RUNDC3B: variants seen among roughly 807,000 people sequenced by gnomAD.
RUNDC3B encodes the protein RUN domain-containing protein 3B.
A neutral mutation model predicts 58.4 loss-of-function variants in RUNDC3B; 33 were observed. The ratio of observed to expected loss-of-function variants is 0.56; its 90% CI spans 0.43 to 0.75. RUNDC3B has a LOEUF of 0.75. RUNDC3B is among the 30% of genes least tolerant of loss of function. The pLI, the probability that RUNDC3B is intolerant of heterozygous loss-of-function variation, is 0.00. For synonymous variants in RUNDC3B, 193 were observed against 195.2 expected (o/e 0.99, Z 0.10); for missense variants, 501 against 535.7 (o/e 0.94, Z 0.64).
At chr7:87,720,909 AT>A (rs373266248) in intron 4 of RUNDC3B, among the ~76,000 whole-genome samples, 2 of 151,762 alleles carry the variant, frequency 1.3e-5, no homozygotes, top group Non-Finnish European at 2.9e-5. Flanking sequence ...CATTTAGCTA[AT>A]TTTTAACTAT....
At chr7:87,673,327 C>G (rs890198889) in intron 2 of RUNDC3B, among the ~76,000 whole-genome samples, 4 of 152,180 alleles carry the variant, frequency 2.6e-5, no homozygotes, top group African/African-American at 7.2e-5. Context: ...AATTTCCTTG[C>G]TTTGTCTCCC....
chr7:87,733,890 G>A (rs1237187930), intron 4 of RUNDC3B, among the ~76,000 whole-genome samples: 1 of 152,132 alleles, frequency 6.6e-6, no homozygotes, highest in Non-Finnish European at 1.5e-5. Context: ...CCCAGGGGGT[G>A]GGGACCCCTG....
chr7:87,742,393 A>G (rs1242874851), intron 6 of RUNDC3B, among the ~76,000 whole-genome samples: 1 of 152,124 alleles, frequency 6.6e-6, no homozygotes, highest in African/African-American at 2.4e-5. Flanking sequence ...AGTCCACAAT[A>G]TCATTCTTAT....
intron 1 of RUNDC3B, among the ~76,000 whole-genome samples, chr7:87,631,467 T>C (rs951738377): frequency 6.6e-6 from 1 of 152,216 alleles, no homozygotes; most frequent in African/African-American, 2.4e-5. Flanking sequence ...CTCGGCTCAC[T>C]GCAAGCTCCG....
chr7:87,824,666 T>G (rs1019425134), intron 10 of RUNDC3B, among the ~76,000 whole-genome samples: 1 of 152,064 alleles, frequency 6.6e-6, no homozygotes. Flanking sequence ...TGTGGGAAAG[T>G]TTGGAACTTC....
intron 6 of RUNDC3B, among the ~76,000 whole-genome samples, chr7:87,748,078 T>G (rs1832750698): frequency 6.6e-6 from 1 of 152,208 alleles, no homozygotes; most frequent in Admixed American, 6.5e-5. Context: ...CCTGCTCCTC[T>G]GGCTGCCCTC....
chr7:87,741,457 T>G (rs1386148902), intron 5 of RUNDC3B, 42 bp from the exon 6 acceptor site: 10 of 1,084,068 alleles, frequency 9.2e-6, no homozygotes, highest in Non-Finnish European at 1.3e-5. Context: ...TGATTTAAAA[T>G]TTTATATATT....
intron 2 of RUNDC3B, among the ~76,000 whole-genome samples, chr7:87,671,908 A>G (rs1825857848): frequency 1.3e-5 from 2 of 152,140 alleles, no homozygotes; most frequent in South Asian, 4.1e-4. Context: ...GTTGGCTGGA[A>G]AACACAGGCA....
intron 4 of RUNDC3B, chr7:87,713,029 T>G (rs368206190): frequency 5.3e-5 from 8 of 152,276 alleles, no homozygotes; most frequent in East Asian, 3.9e-4. Flanking sequence ...CACTAATTTT[T>G]TTTACTGAGA....
Position 87,829,919 on chromosome 7 carries a change from T to C in RUNDC3B, c.1260T>C (p.Cys420=), listed in dbSNP as rs1374886306. 18 of 1,607,914 alleles carry C rather than the reference T, an allele frequency of 1.1e-5. No individual in the cohort carries two copies. Among genetic ancestry groups the C allele is most frequent in the Non-Finnish European group, 1.5e-5 (18 of 1,176,292 alleles). Residue 420 remains cysteine, a synonymous_variant, in exon 11 of 11, where the codon TGT becomes TGC. Transcript: ENST00000394654. ...ATACTCCCTCATTACTTGGCCTCTG[T>C]GGATCTCTAACGTCAGTGGCAAGTT... The part of the protein sequence containing the change: ...KEDTPSLLGL[C]GSLTSVASYK...
intron 2 of RUNDC3B, among the ~76,000 whole-genome samples, chr7:87,698,603 T>C (rs1349600001): frequency 1.3e-5 from 2 of 152,248 alleles, no homozygotes; most frequent in Admixed American, 6.5e-5. Flanking sequence ...TTTGTGTTCA[T>C]TGCATTTAAG....
At position 87,778,014 on chromosome 7, in the gene RUNDC3B, G is replaced by A. The variant is rs192070037; in HGVS notation, c.956+59G>A. ...CATGTAAACATTAAGACAAAATGTC[G>A]TGTTTTGATACAGGAGGCAAATTCC... On this transcript the variant is annotated intron_variant, in intron 8 of 10. Transcript: ENST00000394654. 271 of 1,444,296 alleles carry A rather than the reference G, an allele frequency of 1.9e-4. No homozygotes were observed. The African/African-American group carries it at 2.9e-3, about 15-fold the overall frequency. 89.5% of individuals were successfully genotyped at this position (1,444,296 alleles called of 1,614,324 possible). A position where few individuals can be genotyped will look rare whatever the true frequency, so the allele number is the denominator to read the frequency against.
intron 3 of RUNDC3B, among the ~76,000 whole-genome samples, chr7:87,701,184 T>A: frequency 6.6e-6 from 1 of 152,224 alleles, no homozygotes; most frequent in East Asian, 1.9e-4. Context: ...TAGATACTTT[T>A]TAATGTAATA....
intron 10 of RUNDC3B, among the ~76,000 whole-genome samples, chr7:87,818,439 T>G (rs1161106756): frequency 6.6e-6 from 1 of 152,312 alleles, no homozygotes; most frequent in South Asian, 2.1e-4. Context: ...GAAGGAAACA[T>G]GTTCTCATGA....
chr7:87,726,504 A>G (rs1283450888), intron 4 of RUNDC3B, among the ~76,000 whole-genome samples: 4 of 152,132 alleles, frequency 2.6e-5, no homozygotes, highest in African/African-American at 7.2e-5. Context: ...GCATTGTAGT[A>G]TAGTTTGAAG....
chr7:87,743,322 G>C (rs1052327147), intron 6 of RUNDC3B, among the ~76,000 whole-genome samples: 16 of 152,142 alleles, frequency 1.1e-4, no homozygotes, highest in African/African-American at 2.9e-4. Flanking sequence ...TTTCCTCTGG[G>C]CAGATACCCA....
At chr7:87,684,259 T>G (rs556533569) in intron 2 of RUNDC3B, among the ~76,000 whole-genome samples, 2 of 152,344 alleles carry the variant, frequency 1.3e-5, no homozygotes, top group African/African-American at 4.8e-5. Context: ...GTCAGTTCTT[T>G]TCATATTGTT....
intron 1 of RUNDC3B, among the ~76,000 whole-genome samples, chr7:87,647,762 A>G (rs767744310): frequency 2.1e-5 from 3 of 142,832 alleles, no homozygotes; most frequent in Non-Finnish European, 4.8e-5. Context: ...ACAAATACAC[A>G]TCATGATCAG....
chr7:87,719,458 A>G (rs117818098), intron 4 of RUNDC3B, among the ~76,000 whole-genome samples: 4,506 of 151,914 alleles, frequency 0.03, 64 homozygotes, highest in Middle Eastern at 0.048. Flanking sequence ...AAACATATAA[A>G]AGTATACAAA....
Sources: allele counts gnomAD v4.1 joint callset (sites outside exome capture counted in the v4.1 genomes callset), GRCh38; gene constraint gnomAD v4.1.1; transcripts MANE v1.5; gene names NCBI Gene and HGNC (gene_info 2026-07-23, HGNC 2026-07-21).